Variants in CDH1 observed in about 807,000 individuals in gnomAD.
CDH1 encodes cadherin 1.
CDH1 carries 35 observed loss-of-function variants against 84.5 expected under a neutral mutation model. That is an observed-to-expected ratio of 0.41 (90% CI 0.32 to 0.55). The LOEUF is 0.55. Among genes scored for constraint, CDH1 ranks in the 20% least tolerant of loss-of-function variants. CDH1 has a pLI of 0.19. For synonymous variants in CDH1, 417 were observed against 439.0 expected, an observed-to-expected ratio of 0.95 and a Z score of 0.63; for missense variants, 994 against 1,126.6, an observed-to-expected ratio of 0.88 and a Z score of 1.68.
chr16:68,798,847 A>G (rs1075959), intron 2 of CDH1, among the ~76,000 whole-genome samples: 36,311 of 152,054 alleles, frequency 0.24, 5,028 homozygotes, highest in Middle Eastern at 0.34. Flanking sequence ...TTTTAGACTT[A>G]AAAGGATGGT....
intron 2 of CDH1, among the ~76,000 whole-genome samples, chr16:68,769,697 G>T (rs1208692673): frequency 6.6e-6 from 1 of 151,904 alleles, no homozygotes; most frequent in Non-Finnish European, 1.5e-5. Flanking sequence ...GGAGGCCAAG[G>T]TGGGAGTATC....
At chr16:68,755,162 A>C (rs1962985035) in intron 2 of CDH1, among the ~76,000 whole-genome samples, 2 of 151,288 alleles carry the variant, frequency 1.3e-5, no homozygotes, top group Non-Finnish European at 2.9e-5. Context: ...TTGTAGTCCC[A>C]GCTACTTGGG....
intron 2 of CDH1, among the ~76,000 whole-genome samples, chr16:68,786,944 A>G (rs975630013): frequency 4.4e-4 from 67 of 152,266 alleles, no homozygotes; most frequent in African/African-American, 1.5e-3. Context: ...CACAGCCCAC[A>G]TTTGAAAGTA....
chr16:68,746,881 G>A (rs8056802), intron 2 of CDH1, among the ~76,000 whole-genome samples: 9,633 of 152,162 alleles, frequency 0.063, 733 homozygotes, highest in African/African-American at 0.19. Context: ...TCTGGGTGGC[G>A]GAGGTTGCAA....
At chr16:68,787,459 T>C (rs1960085538) in intron 2 of CDH1, among the ~76,000 whole-genome samples, 1 of 152,084 alleles carries the variant, frequency 6.6e-6, no homozygotes, top group African/African-American at 2.4e-5. Flanking sequence ...ACTGTCATAG[T>C]GAATATTTAC....
At chr16:68,771,104 T>G (rs965218430) in intron 2 of CDH1, 1 of 152,244 alleles carries the variant, frequency 6.6e-6, no homozygotes, top group Non-Finnish European at 1.5e-5. Context: ...AAGTGCGGGC[T>G]GGTGTGTGAG....
At chr16:68,785,109 C>A (rs192051507) in intron 2 of CDH1, among the ~76,000 whole-genome samples, 3 of 152,188 alleles carry the variant, frequency 2.0e-5, no homozygotes, top group African/African-American at 4.8e-5. Context: ...CTCCCCCATA[C>A]CTAAAATCTC....
chr16:68,775,365 A>T lies in CDH1; in HGVS notation c.164-26305A>T, dbSNP rs577123030. ...CATCTAACATCCAACTCTGATGGCA[A>T]ATATTCCCAACCATGCCAAGAATGT... On this transcript the variant is annotated intron_variant, in intron 2 of 15. Coordinates refer to ENST00000261769, the MANE Select transcript of CDH1 (RefSeq NM_004360.5). Among the ~76,000 whole-genome samples the T allele has an allele frequency of 2.6e-5, 4 of 152,296 alleles. No homozygotes were observed. In the South Asian group the frequency reaches 8.3e-4, roughly 32 times the overall value.
chr16:68,745,564 G>GTATATATATATATATATATATGTA (rs1380951369), intron 2 of CDH1, among the ~76,000 whole-genome samples: 1 of 112,554 alleles, frequency 8.9e-6, no homozygotes, highest in African/African-American at 3.6e-5. Flanking sequence ...ATATATATAT[G>GTATATATATATATATATATATGTA]TATATATATA....
intron 12 of CDH1, chr16:68,822,966 A>C: frequency 4.1e-6 from 1 of 241,726 alleles, no homozygotes. Context: ...CATATCTGTG[A>C]CTTCCTGGAG....
intron 3 of CDH1, among the ~76,000 whole-genome samples, chr16:68,804,305 G>C (rs1269312910): frequency 1.3e-5 from 2 of 151,590 alleles, no homozygotes; most frequent in Non-Finnish European, 2.9e-5. Context: ...AGTAGAGACG[G>C]GGTTTCACCG....
At chr16:68,827,837 T>C (rs1961361699) in intron 13 of CDH1, among the ~76,000 whole-genome samples, 1 of 152,086 alleles carries the variant, frequency 6.6e-6, no homozygotes, top group African/African-American at 2.4e-5. Context: ...ACACCAAACA[T>C]GCTCCTCCTG....
intron 15 of CDH1, among the ~76,000 whole-genome samples, chr16:68,831,069 CTTTTTTTTTTTTT>C (rs1157074539): frequency 1.0e-4 from 8 of 80,268 alleles, no homozygotes; most frequent in Admixed American, 1.3e-4. Context: ...CTTTAGCTTT[CTTTTTTTTTTTTT>C]TTTTTTTTTT....
chr16:68,808,630 A>C lies in CDH1; in HGVS notation c.531+63A>C. ...TGGCAGAGAAGTACCAAGGAGAGAA[A>C]GGGAAAAGACCCAGTGTTGGGATCC... On this transcript the variant is annotated intron_variant, in intron 4 of 15. Coordinates refer to ENST00000261769, the MANE Select transcript of CDH1 (RefSeq NM_004360.5). 7 of 1,613,274 alleles carry C rather than the reference A, an allele frequency of 4.3e-6. No homozygotes were observed. In the South Asian group the frequency reaches 4.4e-5, roughly 10 times the overall value.
chr16:68,770,569 C>G (rs908486477), intron 2 of CDH1, among the ~76,000 whole-genome samples: 3 of 151,896 alleles, frequency 2.0e-5, no homozygotes, highest in Non-Finnish European at 4.4e-5. Flanking sequence ...GCAGCACATT[C>G]TAGAAGGATG....
chr16:68,771,807 GTC>G (rs2152120867), intron 2 of CDH1, among the ~76,000 whole-genome samples: 1 of 151,990 alleles, frequency 6.6e-6, no homozygotes, highest in Admixed American at 6.6e-5. Context: ...GCCCAGGCTG[GTC>G]TCAAATACCT....
In CDH1 at chr16:68,808,718, G is replaced by T. The variant is rs1567504752; in HGVS notation, c.557G>T (p.Gly186Val). ...VQIKSNKDKEGKVFYSITGQG... is the reference protein window; with the variant it reads ...VQIKSNKDKEVKVFYSITGQG... ...ATCAAATCCAACAAAGACAAAGAAG[G>T]CAAGGTTTTCTACAGCATCACTGGC... Residue 186 changes from glycine (G) to valine (V), a missense_variant, in exon 5 of 16, where the codon GGC (glycine) becomes GTC (valine). Physicochemically the swap from Gly to Val is moderately radical, Grantham distance 109. Around this residue, in one of 3 missense-constraint regions of CDH1, gnomAD observed 22 missense variants for 50.8 expected, o/e 0.43. Transcript: ENST00000261769. 6.2e-7 allele frequency: 1 copy of T among 1,614,134 alleles called. No homozygotes were observed. Among genetic ancestry groups the T allele is most frequent in the Non-Finnish European group, 8.5e-7 (1 of 1,180,020 alleles).
intron 13 of CDH1, among the ~76,000 whole-genome samples, chr16:68,823,942 TG>T (rs1961246629): frequency 6.6e-6 from 1 of 150,882 alleles, no homozygotes; most frequent in African/African-American, 2.4e-5. Flanking sequence ...CTTTTTGAAC[TG>T]GGAAATCTGA....
chr16:68,737,622 C>A (rs1385457652), intron 1 of CDH1, among the ~76,000 whole-genome samples, 159 bp downstream of exon 1: 1 of 152,194 alleles, frequency 6.6e-6, no homozygotes, highest in Non-Finnish European at 1.5e-5. Flanking sequence ...GCGCTCCGGA[C>A]CCCCCAGTGA....
Sources: allele counts gnomAD v4.1 joint callset (sites outside exome capture counted in the v4.1 genomes callset), GRCh38; gene constraint gnomAD v4.1.1; regional missense constraint gnomAD v4.1.1; transcripts MANE v1.5; gene names NCBI Gene and HGNC (gene_info 2026-07-23, HGNC 2026-07-21).